GRID2: variants seen among roughly 807,000 people sequenced by gnomAD.
The protein encoded by GRID2 is glutamate ionotropic receptor delta type subunit 2.
GRID2 carries 33 observed loss-of-function variants against 114.8 expected under a neutral mutation model. The observed-to-expected ratio is 0.29, with a 90% CI of 0.22 to 0.38. The LOEUF is 0.38. Ranked by LOEUF, GRID2 falls within the 10% of genes least tolerant of loss-of-function variation. The pLI, the probability that GRID2 is intolerant of heterozygous loss-of-function variation, is 1.00. For synonymous variants in GRID2, 505 were observed against 449.9 expected (o/e 1.12, Z -1.55); for missense variants, 1,184 against 1,257.7 (o/e 0.94, Z 0.89).
intron 2 of GRID2, among the ~76,000 whole-genome samples, chr4:92,886,496 C>T (rs1432549927): frequency 6.6e-6 from 1 of 151,978 alleles, no homozygotes; most frequent in African/African-American, 2.4e-5. Context: ...ATGAGGTATG[C>T]CTCTCCCTGT....
chr4:93,636,436 C>T lies in GRID2; in HGVS notation c.2360+10001C>T, dbSNP rs564112030. Reference sequence around the variant, plus strand: ...ACTTGAAAATACACACACACACATGCGCACACATACACACGCACACACACA... The same window carrying T: ...ACTTGAAAATACACACACACACATGTGCACACATACACACGCACACACACA... On this transcript the variant is annotated intron_variant, in intron 14 of 15. Coordinates refer to ENST00000282020, the MANE Select transcript of GRID2 (RefSeq NM_001510.4). 5.3e-5 allele frequency among the ~76,000 whole-genome samples: 8 copies of T among 151,880 alleles called. No homozygotes were observed. In the South Asian group the frequency reaches 1.0e-3, roughly 20 times the overall value.
intron 2 of GRID2, among the ~76,000 whole-genome samples, chr4:92,905,551 G>C (rs1447882138): frequency 6.6e-6 from 1 of 152,010 alleles, no homozygotes; most frequent in African/African-American, 2.4e-5. Flanking sequence ...TGTTCATATA[G>C]AGGAGTATGC....
At chr4:92,857,047 G>A (rs1359245971) in intron 2 of GRID2, among the ~76,000 whole-genome samples, 1 of 152,080 alleles carries the variant, frequency 6.6e-6, no homozygotes, top group African/African-American at 2.4e-5. Context: ...TTGTTTTGCA[G>A]TGCCATTAAC....
intron 2 of GRID2, among the ~76,000 whole-genome samples, chr4:92,853,804 C>T (rs531733411): frequency 4.6e-5 from 7 of 151,770 alleles, no homozygotes; most frequent in Non-Finnish European, 1.0e-4. Context: ...TACACATGTA[C>T]ACAAACATGA....
intron 1 of GRID2, among the ~76,000 whole-genome samples, chr4:92,328,703 A>G (rs1207048361): frequency 6.6e-6 from 1 of 152,084 alleles, no homozygotes; most frequent in Non-Finnish European, 1.5e-5. Context: ...TTGTTAGCTT[A>G]AGGAACTAAA....
intron 13 of GRID2, among the ~76,000 whole-genome samples, chr4:93,624,613 A>G (rs1262531387): frequency 6.6e-6 from 1 of 152,136 alleles, no homozygotes; most frequent in South Asian, 2.1e-4. Flanking sequence ...CATTTGTAAG[A>G]TATGTTGTCA....
intron 2 of GRID2, among the ~76,000 whole-genome samples, chr4:92,816,318 C>CAAAAAAAAAAAAAAAA (rs764487348): frequency 4.1e-5 from 2 of 48,260 alleles, no homozygotes; most frequent in African/African-American, 8.0e-5. Context: ...TCTGTCTCAC[C>CAAAAAAAAAAAAAAAA]AAAAAAAAAA....
At chr4:92,637,868 A>G (rs184198299) in intron 2 of GRID2, among the ~76,000 whole-genome samples, 14 of 152,024 alleles carry the variant, frequency 9.2e-5, no homozygotes, top group East Asian at 3.9e-4. Flanking sequence ...TGTTTTCAAA[A>G]GAGAATAGTA....
At chr4:92,425,539 G>A (rs984519911) in intron 1 of GRID2, among the ~76,000 whole-genome samples, 6 of 152,042 alleles carry the variant, frequency 3.9e-5, no homozygotes, top group Non-Finnish European at 5.9e-5. Context: ...TGAAAAGGGT[G>A]CTGTTTAGGA....
chr4:92,523,054 G>T (rs1035807431), intron 1 of GRID2, among the ~76,000 whole-genome samples: 1 of 151,934 alleles, frequency 6.6e-6, no homozygotes, highest in Non-Finnish European at 1.5e-5. Context: ...ACAGTTAATA[G>T]TTTTGTATAG....
chr4:92,815,613 C>T (rs1233707136), intron 2 of GRID2, among the ~76,000 whole-genome samples: 2 of 151,836 alleles, frequency 1.3e-5, no homozygotes, highest in Admixed American at 1.3e-4. Context: ...TCTTATTATA[C>T]TTAAAGGATA....
chr4:92,819,625 TA>T (rs1015468454), intron 2 of GRID2, among the ~76,000 whole-genome samples: 7 of 151,544 alleles, frequency 4.6e-5, no homozygotes, highest in East Asian at 1.9e-4. Flanking sequence ...TCTTACTATT[TA>T]AAAAAAATAA....
intron 2 of GRID2, among the ~76,000 whole-genome samples, chr4:92,750,343 C>T (rs1737389341): frequency 6.6e-6 from 1 of 152,176 alleles, no homozygotes; most frequent in African/African-American, 2.4e-5. Context: ...GCTTTTTACC[C>T]TCTTTTGCCT....
At chr4:92,703,644 T>TATAA (rs1491446004) in intron 2 of GRID2, among the ~76,000 whole-genome samples, 26 of 138,880 alleles carry the variant, frequency 1.9e-4, no homozygotes, top group African/African-American at 6.5e-4. Context: ...TATATATATA[T>TATAA]AAAATCATGA....
intron 2 of GRID2, among the ~76,000 whole-genome samples, chr4:92,627,484 GTTA>G (rs1730580003): frequency 6.6e-6 from 1 of 152,090 alleles, no homozygotes; most frequent in South Asian, 2.1e-4. Context: ...ATATTTTACT[GTTA>G]TTAGTAAATT....
At chr4:92,331,415 C>T (rs543629457) in intron 1 of GRID2, among the ~76,000 whole-genome samples, 3 of 152,122 alleles carry the variant, frequency 2.0e-5, no homozygotes, top group Admixed American at 1.3e-4. Flanking sequence ...TTTGTGTTAC[C>T]CCAGAAGGAA....
chr4:92,411,555 A>ATGCTGTC, intron 1 of GRID2, among the ~76,000 whole-genome samples: 1 of 150,606 alleles, frequency 6.6e-6, no homozygotes, highest in Non-Finnish European at 1.5e-5. Flanking sequence ...GTATTTTCAT[A>ATGCTGTC]TGCTGTCTCA....
chr4:93,633,237 A>G (rs1721095866), intron 14 of GRID2, among the ~76,000 whole-genome samples: 1 of 151,826 alleles, frequency 6.6e-6, no homozygotes, highest in Admixed American at 6.6e-5. Context: ...AGAATATTTA[A>G]TTTAATATTA....
rs572503083 is a variant in GRID2, at chr4:93,543,959, G to A, written c.2193+28548G>A. 4.9e-4 allele frequency among the ~76,000 whole-genome samples: 75 copies of A among 152,264 alleles called. 2 individuals carry two copies. In the South Asian group the frequency reaches 0.016, roughly 32 times the overall value. ...ATAAACTTGCTTTTTATATTATTCG[G>A]CAATTATTATCAATGCTTTTATCTA... On this transcript the variant is annotated intron_variant, in intron 13 of 15. Transcript: ENST00000282020.
Sources: allele counts gnomAD v4.1 joint callset (sites outside exome capture counted in the v4.1 genomes callset), GRCh38; gene constraint gnomAD v4.1.1; transcripts MANE v1.5; gene names NCBI Gene and HGNC (gene_info 2026-07-23, HGNC 2026-07-21).